PPM1A: variants seen among roughly 807,000 people sequenced by gnomAD.
PPM1A encodes protein phosphatase 1A.
In PPM1A, 7 loss-of-function variants were observed where a neutral mutation model predicts 35.0. That is an observed-to-expected ratio of 0.20 (90% CI 0.11 to 0.38). The LOEUF (loss-of-function observed/expected upper bound fraction) is 0.38, where lower values mean the gene tolerates loss of function less well. PPM1A is among the 10% of genes least tolerant of loss of function. The probability of loss-of-function intolerance (pLI) is 1.00; values close to 1 mark genes in which losing one functional copy is unlikely to be tolerated. For synonymous variants in PPM1A, 153 were observed against 167.3 expected (o/e 0.91, Z 0.66); for missense variants, 239 against 467.8 (o/e 0.51, Z 4.51).
At chr14:60,246,444 T>C (rs1055188739), upstream of PPM1A, among the ~76,000 whole-genome samples, 12 of 152,212 alleles carry the variant, frequency 7.9e-5, no homozygotes, top group African/African-American at 2.4e-4. Flanking sequence ...TCTTTGTTAA[T>C]TGAAATATAA....
chr14:60,275,439 A>T (rs1481436653), intron 1 of PPM1A, among the ~76,000 whole-genome samples: 1 of 152,158 alleles, frequency 6.6e-6, no homozygotes, highest in East Asian at 1.9e-4. Flanking sequence ...CTGATTCATT[A>T]TGCAAGTTAT....
chr14:60,287,765 A>G, intron 3 of PPM1A: 2 of 982,136 alleles, frequency 2.0e-6, no homozygotes, highest in South Asian at 9.4e-5. Flanking sequence ...CATAATTTAT[A>G]CTACTATTAA....
intron 1 of PPM1A, among the ~76,000 whole-genome samples, chr14:60,274,447 T>C (rs2139469713): frequency 6.6e-6 from 1 of 152,080 alleles, no homozygotes; most frequent in African/African-American, 2.4e-5. Flanking sequence ...ATGGGTAACA[T>C]GGGTGACACT....
intron 1 of PPM1A, chr14:60,268,249 T>A (rs866349087): frequency 6.2e-6 from 6 of 974,344 alleles, no homozygotes; most frequent in African/African-American, 1.8e-5. Context: ...GCTCTGAAGT[T>A]TTTTGAGGGA....
chr14:60,292,307 A>G lies in PPM1A; in HGVS notation c.1120-146A>G. On this transcript the variant is annotated intron_variant, in intron 5 of 5. Transcript: ENST00000395076. This position sits in a 1 kb window ranked among gnomAD's most constrained non-coding sequence, Gnocchi z 4.2. ...AAACATTGCTATTTCATATGTACAC[A>G]TATATACTTATATACTTTAAAAAAC... 1.8e-6 allele frequency: 1 copy of G among 569,210 alleles called. No individual in the cohort carries two copies. Among genetic ancestry groups the G allele is most frequent in the East Asian group, 2.9e-5 (1 of 35,044 alleles). The allele number at this position is 569,210 out of a possible 1,614,324, so 35.3% of individuals were successfully genotyped here. A position where few individuals can be genotyped will look rare whatever the true frequency, so the allele number is the denominator to read the frequency against.
Position 60,293,045 on chromosome 14 carries a change from T to G in PPM1A, c.*563T>G, listed in dbSNP as rs575100154. ...ATCTTAAATGTTCTTGGTAGGGGAG[T>G]TGGCATTGTTGATAAAGCCAGTCCC... On this transcript the variant is annotated 3_prime_UTR_variant, in exon 6 of 6. Transcript: ENST00000395076. The surrounding 1 kb of genome is among the most constrained non-coding windows in gnomAD (Gnocchi z 4.0). The G allele has an allele frequency of 6.6e-6, 1 of 152,030 alleles. No homozygotes were observed. The highest frequency in any genetic ancestry group is 2.4e-5 in the African/African-American group (1 of 41,454). The allele number at this position is 152,030 out of a possible 1,614,324, so 9.4% of individuals were successfully genotyped here. A position where few individuals can be genotyped will look rare whatever the true frequency, so the allele number is the denominator to read the frequency against.
chr14:60,291,224 A>G (rs1356737434), intron 4 of PPM1A, among the ~76,000 whole-genome samples, 173 bp from the exon 5 acceptor site: 1 of 152,126 alleles, frequency 6.6e-6, no homozygotes, highest in African/African-American at 2.4e-5. Flanking sequence ...CTGCTTTAAC[A>G]TAGGAGCCCA....
intron 1 of PPM1A, among the ~76,000 whole-genome samples, chr14:60,255,574 A>C (rs1215263685): frequency 1.3e-5 from 2 of 152,206 alleles, no homozygotes; most frequent in Non-Finnish European, 2.9e-5. Flanking sequence ...GCTAGCGGCT[A>C]GCACAGTGCT....
chr14:60,286,669 T>C (rs1887050049), intron 3 of PPM1A: 2 of 984,974 alleles, frequency 2.0e-6, no homozygotes, highest in Non-Finnish European at 2.4e-6. Context: ...TTGAAATTAC[T>C]ACTCACTTTA....
At chr14:60,260,328 G>A (rs1883603657) in intron 1 of PPM1A, among the ~76,000 whole-genome samples, 1 of 151,946 alleles carries the variant, frequency 6.6e-6, no homozygotes, top group African/African-American at 2.4e-5. Flanking sequence ...AAAAAGTGAA[G>A]TAAATATTTA....
chr14:60,246,179 A>C (rs1881775359), upstream of PPM1A: 1 of 853,228 alleles, frequency 1.2e-6, no homozygotes, highest in Admixed American at 2.9e-5. Flanking sequence ...GGTCATTTAC[A>C]TTACTGCATA....
At chr14:60,263,519 T>G (rs1265657357) in intron 1 of PPM1A, among the ~76,000 whole-genome samples, 1 of 152,162 alleles carries the variant, frequency 6.6e-6, no homozygotes, top group Non-Finnish European at 1.5e-5. Context: ...ATCAACATTT[T>G]AAATTTTATT....
At chr14:60,267,242 T>C (rs1474581958) in intron 1 of PPM1A, 3 of 152,106 alleles carry the variant, frequency 2.0e-5, no homozygotes, top group Non-Finnish European at 4.4e-5. Flanking sequence ...CTTGTTCTTT[T>C]TTCTTTCCTG....
At chr14:60,280,642 T>G (rs536035865) in intron 1 of PPM1A, among the ~76,000 whole-genome samples, 46 of 152,342 alleles carry the variant, frequency 3.0e-4, no homozygotes, top group African/African-American at 8.9e-4. Context: ...TAACCTAGGA[T>G]AGTGGTCTTG....
chr14:60,253,754 G>T (rs1344696102), intron 1 of PPM1A, among the ~76,000 whole-genome samples: 2 of 152,182 alleles, frequency 1.3e-5, no homozygotes, highest in African/African-American at 4.8e-5. Flanking sequence ...GTTAAGGAAT[G>T]GAATCCATGT....
rs1886669362 is a variant in PPM1A, at chr14:60,283,981, T to G, written c.834+444T>G. On this transcript the variant is annotated intron_variant, in intron 2 of 5. Coordinates refer to ENST00000395076, the MANE Select transcript of PPM1A (RefSeq NM_021003.5). The surrounding 1 kb of genome is among the most constrained non-coding windows in gnomAD (Gnocchi z 6.3). ...GTCTGTAGCACTTGAAAGAGGAATG[T>G]AGTGATCATTAGACGTGATGTAATA... Among the ~76,000 whole-genome samples, 1 of 152,186 alleles carries G rather than the reference T, an allele frequency of 6.6e-6. No individual in the cohort carries two copies. Among genetic ancestry groups the G allele is most frequent in the African/African-American group, 2.4e-5 (1 of 41,458 alleles).
At chr14:60,262,088 T>C (rs1883807019) in intron 1 of PPM1A, among the ~76,000 whole-genome samples, 1 of 152,232 alleles carries the variant, frequency 6.6e-6, no homozygotes, top group Non-Finnish European at 1.5e-5. Flanking sequence ...TTCAGAATAA[T>C]TGATATTCAT....
intron 1 of PPM1A, among the ~76,000 whole-genome samples, chr14:60,281,326 C>A (rs1886387756): frequency 1.3e-5 from 2 of 152,154 alleles, no homozygotes; most frequent in Non-Finnish European, 2.9e-5. Flanking sequence ...ATGGTTTTAT[C>A]ACGCCAATCA....
chr14:60,259,662 G>T (rs1381529580), intron 1 of PPM1A, among the ~76,000 whole-genome samples: 2 of 152,074 alleles, frequency 1.3e-5, no homozygotes, highest in Non-Finnish European at 2.9e-5. Context: ...GTTAACAGAT[G>T]AGGCAAATTG....
Sources: gnomAD v4.1 joint callset for allele counts (sites outside exome capture counted in the v4.1 genomes callset) on GRCh38, gnomAD v4.1.1 for gene constraint, Gnocchi (gnomAD v3.1) non-coding constraint, MANE v1.5 for transcripts, NCBI Gene and HGNC (gene_info 2026-07-23, HGNC 2026-07-21) for gene names.